Variants in COL5A1 observed in about 807,000 individuals in gnomAD.
The protein encoded by COL5A1 is collagen alpha-1(V) chain.
Under a neutral mutation model 263.7 loss-of-function variants are expected in COL5A1, and 16 were observed. That is an observed-to-expected ratio of 0.06 (90% CI 0.04 to 0.09). The LOEUF (loss-of-function observed/expected upper bound fraction) is 0.09. Ranked by LOEUF, COL5A1 falls within the 10% of genes least tolerant of loss-of-function variation. The probability of loss-of-function intolerance (pLI) is 1.00; values close to 1 mark genes in which losing one functional copy is unlikely to be tolerated. For synonymous variants in COL5A1, 1,012 were observed against 1,004.5 expected (o/e 1.01, Z -0.14); for missense variants, 2,036 against 2,540.5 (o/e 0.80, Z 4.27).
At chr9:134,756,192 C>T (rs1452236207) in intron 16 of COL5A1, among the ~76,000 whole-genome samples, 1 of 152,196 alleles carries the variant, frequency 6.6e-6, no homozygotes, top group African/African-American at 2.4e-5. Context: ...TGACTGTGTC[C>T]ATAGCTGGCC....
At chr9:134,782,469 C>T (rs1837293442) in intron 28 of COL5A1, 198 bp from the exon 29 acceptor site, 6 of 676,920 alleles carry the variant, frequency 8.9e-6, no homozygotes, top group Admixed American at 2.2e-5. Context: ...AGCTTCAGAA[C>T]GTTACAGCTG....
chr9:134,784,418 T>C (rs1324086753), intron 29 of COL5A1, among the ~76,000 whole-genome samples: 2 of 152,168 alleles, frequency 1.3e-5, no homozygotes, highest in Non-Finnish European at 2.9e-5. Flanking sequence ...CAGAGCCCTC[T>C]CCCCTTTCTG....
intron 37 of COL5A1, among the ~76,000 whole-genome samples, chr9:134,798,897 C>CTCAGCG (rs1324851183): frequency 1.3e-5 from 2 of 152,234 alleles, no homozygotes; most frequent in Non-Finnish European, 2.9e-5. Flanking sequence ...CTACATGTTA[C>CTCAGCG]TCAGCGTCAT....
chr9:134,842,511 A>G lies in COL5A1; in HGVS notation c.*208A>G. ...GAGCCGCGCCCCCACCTGGAGCTGA[A>G]TCACATGACCTAGCTGCACCCCAGC... On this transcript the variant is annotated 3_prime_UTR_variant, in exon 66 of 66. Coordinates refer to ENST00000371817, the MANE Select transcript of COL5A1 (RefSeq NM_000093.5). This position sits in a 1 kb window ranked among gnomAD's most constrained non-coding sequence, Gnocchi z 5.8. The G allele has an allele frequency of 1.6e-6, 1 of 641,786 alleles. No homozygotes were observed. The highest frequency in any genetic ancestry group is 2.7e-6 in the Non-Finnish European group (1 of 366,352). The allele number at this position is 641,786 out of a possible 1,614,324, so 39.8% of individuals were successfully genotyped here.
chr9:134,685,371 T>TCCCC (rs1588435745), intron 1 of COL5A1, among the ~76,000 whole-genome samples: 1 of 81,270 alleles, frequency 1.2e-5, no homozygotes, highest in East Asian at 4.3e-4. Context: ...CACCATCCAT[T>TCCCC]CACCCATCCA....
intron 59 of COL5A1, 46 bp from the exon 60 acceptor site, chr9:134,822,952 G>T (rs750906437): frequency 6.2e-7 from 1 of 1,613,092 alleles, no homozygotes; most frequent in Non-Finnish European, 8.5e-7. Context: ...GGTGGGGCTG[G>T]AGCTGAGACC....
chr9:134,664,259 A>G (rs1174063579), intron 1 of COL5A1, among the ~76,000 whole-genome samples: 3 of 152,190 alleles, frequency 2.0e-5, no homozygotes, highest in Non-Finnish European at 4.4e-5. Flanking sequence ...AAACCATAAA[A>G]CTACTAGAAG....
intron 27 of COL5A1, among the ~76,000 whole-genome samples, chr9:134,778,048 TA>T (rs1588537617): frequency 6.6e-6 from 1 of 152,180 alleles, no homozygotes; most frequent in East Asian, 1.9e-4. Context: ...GCTCATCTCC[TA>T]AAAAGCCCTT....
chr9:134,832,546 T>C (rs1839680567), intron 64 of COL5A1, among the ~76,000 whole-genome samples: 1 of 152,208 alleles, frequency 6.6e-6, no homozygotes, highest in Admixed American at 6.5e-5. Context: ...GGGGTTCCAA[T>C]GCAGGGCAGC....
intron 18 of COL5A1, among the ~76,000 whole-genome samples, chr9:134,760,903 A>T (rs1836393671): frequency 6.8e-6 from 1 of 148,102 alleles, no homozygotes; most frequent in Non-Finnish European, 1.5e-5. Context: ...ACACGCATAC[A>T]CACATGCACA....
At chr9:134,822,188 G>A (rs1839033709) in intron 59 of COL5A1, 38 bp downstream of exon 59, 1 of 1,317,152 alleles carries the variant, frequency 7.6e-7, no homozygotes, top group Non-Finnish European at 1.1e-6. Context: ...TCCTGGGAGG[G>A]CAGGGAGGGT....
intron 25 of COL5A1, among the ~76,000 whole-genome samples, chr9:134,769,735 G>C (rs535578187): frequency 3.6e-4 from 55 of 151,950 alleles, no homozygotes; most frequent in Admixed American, 2.0e-4. Flanking sequence ...GAGGAAGGGG[G>C]GCCTGGGTGT....
chr9:134,839,727 G>A (rs1050889254), intron 65 of COL5A1, among the ~76,000 whole-genome samples: 18 of 152,200 alleles, frequency 1.2e-4, no homozygotes, highest in South Asian at 2.1e-4. Flanking sequence ...GCTCCTCGCC[G>A]GTGGGGAGGG....
chr9:134,803,915 T>C (rs756884258), intron 39 of COL5A1, among the ~76,000 whole-genome samples: 1 of 152,140 alleles, frequency 6.6e-6, no homozygotes, highest in Non-Finnish European at 1.5e-5. Flanking sequence ...AAACGTGTTT[T>C]TATCCCACCT....
chr9:134,714,984 C>T (rs981612493), intron 4 of COL5A1, among the ~76,000 whole-genome samples: 19 of 151,674 alleles, frequency 1.3e-4, no homozygotes, highest in African/African-American at 1.2e-4. Flanking sequence ...TTGGGTGGGA[C>T]GAGAGACTGA....
Position 134,812,600 on chromosome 9 carries a change from C to G in COL5A1, c.3745-5C>G. The G allele has an allele frequency of 6.2e-7, 1 of 1,608,318 alleles. No homozygotes were observed. The highest frequency in any genetic ancestry group is 8.5e-7 in the Non-Finnish European group (1 of 1,176,708). ...CTGGGCTCAGTGGTCTCTCCCTTTTCCTAGGGCCCCCCGGGTCCCCCTGGC... is the reference window on the plus strand; with the variant it reads ...CTGGGCTCAGTGGTCTCTCCCTTTTGCTAGGGCCCCCCGGGTCCCCCTGGC... On this transcript the variant is annotated splice_polypyrimidine_tract_variant and splice_region_variant and intron_variant, in intron 47 of 65. Coordinates refer to ENST00000371817, the MANE Select transcript of COL5A1 (RefSeq NM_000093.5).
chr9:134,703,627 G>GTTTTTTTT (rs55882557), intron 4 of COL5A1, among the ~76,000 whole-genome samples: 1 of 73,230 alleles, frequency 1.4e-5, no homozygotes, highest in African/African-American at 5.7e-5. Flanking sequence ...GTGGCCTCGG[G>GTTTTTTTT]TTTTTTTTTT....
chr9:134,708,175 G>A (rs911283948), intron 4 of COL5A1, among the ~76,000 whole-genome samples: 1 of 152,168 alleles, frequency 6.6e-6, no homozygotes, highest in Non-Finnish European at 1.5e-5. Context: ...CTCTGACTTC[G>A]GACATGAGAT....
chr9:134,777,514 G>T (rs771177646), intron 27 of COL5A1, among the ~76,000 whole-genome samples: 13 of 152,254 alleles, frequency 8.5e-5, no homozygotes, highest in Non-Finnish European at 1.8e-4. Flanking sequence ...TGTCTAGTTG[G>T]TCCCATTCCT....
Sources: gnomAD v4.1 joint callset for allele counts (sites outside exome capture counted in the v4.1 genomes callset) on GRCh38, gnomAD v4.1.1 for gene constraint, Gnocchi (gnomAD v3.1) non-coding constraint, MANE v1.5 for transcripts, NCBI Gene and HGNC (gene_info 2026-07-23, HGNC 2026-07-21) for gene names.